Variants in A2M observed in about 807,000 individuals in gnomAD.
A2M encodes the protein C3 and PZP-like alpha-2-macroglobulin domain-containing protein 5.
A neutral mutation model predicts 183.9 loss-of-function variants in A2M; 128 were observed. That is an observed-to-expected ratio of 0.70 (90% CI 0.60 to 0.81). The LOEUF is 0.81. Among genes scored for constraint, A2M ranks in the 30% least tolerant of loss-of-function variants. The probability of loss-of-function intolerance (pLI) is 0.00; values close to 1 mark genes in which losing one functional copy is unlikely to be tolerated. For missense variants in A2M, 1,495 were observed against 1,787.6 expected, an observed-to-expected ratio of 0.84 and a Z score of 2.95; for synonymous variants, 592 against 670.8, an observed-to-expected ratio of 0.88 and a Z score of 1.81.
At chr12:9,083,309 C>T (rs143240489) in intron 22 of A2M, among the ~76,000 whole-genome samples, 1,519 of 151,754 alleles carry the variant, frequency 0.01, 20 homozygotes, top group South Asian at 0.028. Flanking sequence ...TTAATGGGTG[C>T]AGCACACCAA....
rs1382237155 is a variant in A2M at position 9,077,761 on chromosome 12, C to G, written c.3216G>C (p.Gln1072His). ...HITQALIWLS[Q>H]RQKDNGCFRS... ...TGAAACAGCCATTGTCCTTCTGCCT[C>G]TGGGAGAGCCATATGAGGGCTTGGG... Residue 1072 changes from glutamine (Q) to histidine (H), a missense_variant, in exon 26 of 36, where the codon CAG becomes CAC. By Grantham distance (24) the Gln-to-His change is conservative. Transcript: ENST00000318602. 3 of 1,614,060 alleles carry G rather than the reference C, an allele frequency of 1.9e-6. No homozygotes were observed. Among genetic ancestry groups the G allele is most frequent in the Non-Finnish European group, 2.5e-6 (3 of 1,180,024 alleles).
chr12:9,115,967 AG>A (rs1939091469), upstream of A2M: 2 of 819,306 alleles, frequency 2.4e-6, no homozygotes, highest in South Asian at 2.8e-5. Flanking sequence ...GTGTGCAAAC[AG>A]GAAGTTCCAC....
At chr12:9,093,358 T>G (rs373682803) in intron 18 of A2M, 107 bp downstream of exon 18, 1 of 727,240 alleles carries the variant, frequency 1.4e-6, no homozygotes, top group Non-Finnish European at 2.4e-6. Flanking sequence ...AACATCATGT[T>G]GTACATCATA....
At chr12:9,077,497 T>C (rs923746898) in intron 26 of A2M, 77 bp from the exon 27 acceptor site, 2 of 1,488,092 alleles carry the variant, frequency 1.3e-6, no homozygotes, top group African/African-American at 2.8e-5. Context: ...TTCTGCTGTG[T>C]CATGGAATTC....
intron 22 of A2M, among the ~76,000 whole-genome samples, chr12:9,083,606 C>T (rs1341127345): frequency 1.3e-5 from 2 of 150,874 alleles, no homozygotes; most frequent in African/African-American, 4.9e-5. Flanking sequence ...GGCAGAAGAG[C>T]AGAAAGACAA....
At chr12:9,094,929 G>T in intron 17 of A2M, 44 bp downstream of exon 17, 5 of 1,069,964 alleles carry the variant, frequency 4.7e-6, no homozygotes, top group African/African-American at 1.6e-5. Context: ...TTTAAAATTT[G>T]GTGAATATAT....
chr12:9,101,190 G>C lies in A2M; in HGVS notation c.1512C>G (p.Gly504=), dbSNP rs1335577884. The change falls in exon 13 of 36, where the codon GGC becomes GGG. Residue 504 remains glycine (G), a synonymous_variant. Coordinates refer to ENST00000318602, the MANE Select transcript of A2M (RefSeq NM_000014.6). ...GTCCATGAGTCCCAGTTCGGACAAT[G>C]CCTCCCTTTGCCATTATCTGCAAAA... ...SFYYLIMAKG[G]IVRTGTHGLL... 1 of 1,560,062 alleles carries C rather than the reference G, an allele frequency of 6.4e-7. No homozygotes were observed. Among genetic ancestry groups the C allele is most frequent in the Admixed American group, 1.9e-5 (1 of 52,186 alleles).
In A2M at chr12:9,112,180, G is replaced by A. The variant is rs1215064803; in HGVS notation, c.462C>T (p.Asn154=). 6.2e-7 allele frequency: 1 copy of A among 1,613,694 alleles called. No individual in the cohort carries two copies. The highest frequency in any genetic ancestry group is 1.3e-5 in the African/African-American group (1 of 74,904). ...VKFRVVSMDE[N]FHPLNELIPL... ...TCACCAACTCATTCAGGGGGTGAAA[G>A]TTTTCATCCATGGAGACAACACGAA... Residue 154 remains asparagine, a synonymous_variant, in exon 4 of 36, where the codon AAC becomes AAT. Transcript: ENST00000318602.
In A2M at chr12:9,112,744, AAG is replaced by A. The variant is rs1163721465; in HGVS notation, c.271-210_271-209del. 1.7e-4 allele frequency: 94 copies of A among 561,390 alleles called. 3 individuals are homozygous for A. The South Asian group carries it at 1.7e-3, about 10-fold the overall frequency. 34.8% of individuals were successfully genotyped at this position (561,390 alleles called of 1,614,324 possible). ...ACAAGGTGGAGGAAAATAAATCAGTAAGAGAGGTTGTAAGTGAGATTCACACC... is the reference window on the plus strand; with the variant it reads ...ACAAGGTGGAGGAAAATAAATCAGTAAGAGGTTGTAAGTGAGATTCACACC... On this transcript the variant is annotated intron_variant, in intron 2 of 35. Transcript: ENST00000318602.
intron 22 of A2M, among the ~76,000 whole-genome samples, chr12:9,087,956 A>G (rs1326175875): frequency 6.6e-6 from 1 of 152,150 alleles, no homozygotes; most frequent in Non-Finnish European, 1.5e-5. Flanking sequence ...GAATAGTTGA[A>G]AAAACCAATA....
chr12:9,109,572 T>C (rs1035454700), intron 6 of A2M, among the ~76,000 whole-genome samples, 167 bp from the exon 7 acceptor site: 1 of 152,232 alleles, frequency 6.6e-6, no homozygotes, highest in African/African-American at 2.4e-5. Flanking sequence ...AAGATTTCAG[T>C]TGAGGGACTA....
At chr12:9,093,880 G>A (rs1949288298) in intron 17 of A2M, among the ~76,000 whole-genome samples, 1 of 151,272 alleles carries the variant, frequency 6.6e-6, no homozygotes, top group Non-Finnish European at 1.5e-5. Context: ...GCGACAGAGT[G>A]AGACTTCGTC....
At chr12:9,101,255 G>A (rs1041244559) in intron 12 of A2M, 48 bp from the exon 13 acceptor site, 10 of 1,522,002 alleles carry the variant, frequency 6.6e-6, no homozygotes, top group Middle Eastern at 1.7e-4. Context: ...GAGAGAACAC[G>A]CTTCAGTCTC....
Position 9,093,554 on chromosome 12 carries a change from A to G in A2M, c.2151T>C (p.His717=). The change falls in exon 18 of 36, where the codon CAT becomes CAC. Residue 717 remains histidine, a synonymous_variant. Transcript: ENST00000318602. ...GCTCTTCAACATGCACCAGGCGTGCATGGCCTCTTCCCATTACATCTGACT... is the reference window on the plus strand; with the variant it reads ...GCTCTTCAACATGCACCAGGCGTGCGTGGCCTCTTCCCATTACATCTGACT... The part of the protein sequence containing the change: ...FYESDVMGRG[H]ARLVHVEEPH... 2 of 1,609,612 alleles carry G rather than the reference A, an allele frequency of 1.2e-6. No individual in the cohort carries two copies. The highest frequency in any genetic ancestry group is 1.1e-5 in the South Asian group (1 of 90,106).
At position 9,077,783 on chromosome 12, in the gene A2M, T is replaced by C. The variant is rs1948790062; in HGVS notation, c.3194A>G (p.Gln1065Arg). 2 of 1,614,128 alleles carry C rather than the reference T, an allele frequency of 1.2e-6. No individual in the cohort carries two copies. The highest frequency in any genetic ancestry group is 8.5e-7 in the Non-Finnish European group (1 of 1,180,018). ...YIFIDEAHITQALIWLSQRQK... is the reference protein window; with the variant it reads ...YIFIDEAHITRALIWLSQRQK... ...CCTCTGGGAGAGCCATATGAGGGCT[T>C]GGGTAATGTGTGCTTCATCGATGAA... Residue 1065 changes from glutamine (Q) to arginine (R), a missense_variant, in exon 26 of 36, where the codon CAA (glutamine) becomes CGA (arginine). Gln to Arg is a conservative substitution (Grantham distance 43). Transcript: ENST00000318602.
chr12:9,072,327 T>C, intron 31 of A2M, 32 bp downstream of exon 31: 1 of 1,608,530 alleles, frequency 6.2e-7, no homozygotes, highest in South Asian at 1.1e-5. Flanking sequence ...TGGTTATTCT[T>C]AGGATTAGGT....
At chr12:9,091,679 T>C (rs901131825) in intron 18 of A2M, among the ~76,000 whole-genome samples, 1 of 152,224 alleles carries the variant, frequency 6.6e-6, no homozygotes, top group Non-Finnish European at 1.5e-5. Context: ...AACATGCAGT[T>C]TGAGATTGTT....
chr12:9,101,578 T>G lies in A2M; in HGVS notation c.1363A>C (p.Ser455Arg). The G allele has an allele frequency of 6.2e-7, 1 of 1,613,998 alleles. No homozygotes were observed. ...GGCTCAAGGTGGACAAAGCTCTTGC[T>G]TGGGGAGAACACAAGATAAGCAGTG... is the stretch of plus-strand genomic sequence containing the variant. ...HHTAYLVFSPSKSFVHLEPMS... is the reference protein window; with the variant it reads ...HHTAYLVFSPRKSFVHLEPMS... The change falls in exon 12 of 36, where the codon AGC becomes CGC. Residue 455 changes from serine to arginine, a missense_variant. Transcript: ENST00000318602.
chr12:9,109,083 T>C (rs1219330324), intron 7 of A2M, among the ~76,000 whole-genome samples: 1 of 152,104 alleles, frequency 6.6e-6, no homozygotes, highest in Non-Finnish European at 1.5e-5. Context: ...TCAATCCTAT[T>C]AGCATAACCT....
Sources: allele counts gnomAD v4.1 joint callset (sites outside exome capture counted in the v4.1 genomes callset), GRCh38; gene constraint gnomAD v4.1.1; transcripts MANE v1.5; gene names NCBI Gene and HGNC (gene_info 2026-07-23, HGNC 2026-07-21).